The following ASPH variants were observed in gnomAD, a reference collection of about 807,000 sequenced individuals.
ASPH encodes the protein aspartyl/asparaginyl beta-hydroxylase.
ASPH carries 100 observed loss-of-function variants against 118.4 expected under a neutral mutation model. That is an observed-to-expected ratio of 0.84 (90% CI 0.72 to 1.00). The LOEUF (loss-of-function observed/expected upper bound fraction) is 1.00, where lower values mean the gene tolerates loss of function less well. Among genes scored for constraint, ASPH ranks in the 50% least tolerant of loss-of-function variants. The probability of loss-of-function intolerance (pLI) is 0.00; values close to 1 mark genes in which losing one functional copy is unlikely to be tolerated. For synonymous variants in ASPH, 315 were observed against 325.6 expected (o/e 0.97, Z 0.35); for missense variants, 920 against 919.5 (o/e 1.00, Z -0.01).
At chr8:61,612,935 C>G (rs942382924) in intron 14 of ASPH, among the ~76,000 whole-genome samples, 2 of 152,124 alleles carry the variant, frequency 1.3e-5, no homozygotes, top group Non-Finnish European at 2.9e-5. Flanking sequence ...TCTTCCTGCC[C>G]ACCATTCAGG....
At chr8:61,523,933 C>T (rs1814222219) in intron 22 of ASPH, among the ~76,000 whole-genome samples, 1 of 152,120 alleles carries the variant, frequency 6.6e-6, no homozygotes, top group Admixed American at 6.6e-5. Context: ...TCTATAAAAA[C>T]ATTTAAAAAT....
chr8:61,637,964 G>A lies in ASPH; in HGVS notation c.872C>T (p.Ser291Leu), dbSNP rs1343740546. 1.2e-6 allele frequency: 2 copies of A among 1,609,460 alleles called. No homozygotes were observed. The highest frequency in any genetic ancestry group is 2.2e-5 in the East Asian group (1 of 44,748). The change falls in exon 12 of 25, where the codon TCA becomes TTA. Residue 291 changes from serine to leucine, a missense_variant. Coordinates refer to ENST00000379454, the MANE Select transcript of ASPH (RefSeq NM_004318.4). ...APPEDNPVED[S>L]QVIVEEVSIF... Reference sequence around the variant, plus strand: ...TATCTTACCTTCTACAATTACCTGTGAATCTTCTACAGGATTATCCTCAGG... The same window carrying A: ...TATCTTACCTTCTACAATTACCTGTAAATCTTCTACAGGATTATCCTCAGG...
chr8:61,542,048 G>A (rs774089463), intron 21 of ASPH, among the ~76,000 whole-genome samples: 9 of 152,216 alleles, frequency 5.9e-5, no homozygotes, highest in African/African-American at 2.2e-4. Flanking sequence ...TTTGTGGTCA[G>A]TAAACATGCT....
At chr8:61,624,701 G>A in intron 13 of ASPH, 2 of 985,586 alleles carry the variant, frequency 2.0e-6, no homozygotes, top group Non-Finnish European at 2.4e-6. Flanking sequence ...ACAGCATAAT[G>A]AATCCTCAAC....
At chr8:61,503,733 A>G (rs547807529) in intron 24 of ASPH, among the ~76,000 whole-genome samples, 5 of 152,374 alleles carry the variant, frequency 3.3e-5, no homozygotes, top group Admixed American at 1.3e-4. Flanking sequence ...CTGGAGATGT[A>G]CAAACAACAG....
intron 1 of ASPH, among the ~76,000 whole-genome samples, chr8:61,707,263 A>G (rs1836922806): frequency 6.6e-6 from 1 of 152,188 alleles, no homozygotes. Context: ...CTACCTATCA[A>G]TACTACAAAT....
chr8:61,638,295 A>G (rs772723059), intron 11 of ASPH, 27 bp downstream of exon 11: 1 of 1,598,434 alleles, frequency 6.3e-7, no homozygotes, highest in Non-Finnish European at 8.5e-7. Flanking sequence ...GACTTGCAGA[A>G]AATATGTGCT....
chr8:61,550,799 C>T (rs1825729984), intron 20 of ASPH, among the ~76,000 whole-genome samples: 1 of 152,194 alleles, frequency 6.6e-6, no homozygotes, highest in Non-Finnish European at 1.5e-5. Flanking sequence ...TCACAGCTAT[C>T]ATTGAGGACG....
intron 5 of ASPH, 46 bp from the exon 6 acceptor site, chr8:61,646,924 T>G: frequency 6.2e-7 from 1 of 1,611,160 alleles, no homozygotes; most frequent in Non-Finnish European, 8.5e-7. Context: ...AACTGAGACA[T>G]GAAAGCCCCT....
chr8:61,650,093 C>G (rs931043045), intron 5 of ASPH, among the ~76,000 whole-genome samples: 2 of 152,118 alleles, frequency 1.3e-5, no homozygotes, highest in African/African-American at 4.8e-5. Flanking sequence ...CATGACAGCA[C>G]TTACCCCATT....
At chr8:61,626,940 A>C (rs1853164670) in intron 13 of ASPH, among the ~76,000 whole-genome samples, 1 of 152,094 alleles carries the variant, frequency 6.6e-6, no homozygotes, top group African/African-American at 2.4e-5. Context: ...GGTGGTGCAC[A>C]GAAAGGCCCT....
At chr8:61,688,243 CA>C (rs1308934350) in intron 1 of ASPH, among the ~76,000 whole-genome samples, 1 of 152,122 alleles carries the variant, frequency 6.6e-6, no homozygotes, top group Non-Finnish European at 1.5e-5. Context: ...GCTTCATGTT[CA>C]ACCTGTAGTT....
chr8:61,635,076 G>GT lies in ASPH; in HGVS notation c.890-1350dup, dbSNP rs1857151784. On this transcript the variant is annotated intron_variant, in intron 12 of 24. Coordinates refer to ENST00000379454, the MANE Select transcript of ASPH (RefSeq NM_004318.4). Reference sequence around the variant, plus strand: ...GGTCTTTTTGAACCCACTTCATTCTGTATGGCTTTCTCTTCCCCTAATTTA... The same window carrying GT: ...GGTCTTTTTGAACCCACTTCATTCTGTTATGGCTTTCTCTTCCCCTAATTTA... Among the ~76,000 whole-genome samples the GT allele has an allele frequency of 2.0e-5, 3 of 152,170 alleles. 1 individual carries two copies. In the South Asian group the frequency reaches 6.2e-4, roughly 32 times the overall value.
At chr8:61,517,380 A>C (rs1811297982) in intron 24 of ASPH, 148 bp downstream of exon 24, 4 of 1,164,574 alleles carry the variant, frequency 3.4e-6, no homozygotes, top group Non-Finnish European at 4.8e-6. Flanking sequence ...AAGAAGGGAT[A>C]TAGACTTAAG....
chr8:61,612,132 G>T (rs1174282819), intron 14 of ASPH, among the ~76,000 whole-genome samples: 1 of 151,264 alleles, frequency 6.6e-6, no homozygotes, highest in East Asian at 1.9e-4. Context: ...TAAGTACAAA[G>T]AATTAAAGAA....
chr8:61,502,675 C>T lies in ASPH; in HGVS notation c.*684G>A, dbSNP rs1192249078. 2.6e-5 allele frequency: 4 copies of T among 152,082 alleles called. No individual in the cohort carries two copies. The East Asian group carries it at 7.7e-4, about 29-fold the overall frequency. The allele number at this position is 152,082 out of a possible 1,614,324, so 9.4% of individuals were successfully genotyped here. On this transcript the variant is annotated 3_prime_UTR_variant, in exon 25 of 25. Coordinates refer to ENST00000379454, the MANE Select transcript of ASPH (RefSeq NM_004318.4). ...AAATAGGATTTTGTCAATATCTCCA[C>T]CACTAGCATAGTGAGAAGAGGATCT...
intron 14 of ASPH, among the ~76,000 whole-genome samples, chr8:61,608,114 G>C (rs1327514317): frequency 6.6e-6 from 1 of 152,196 alleles, no homozygotes; most frequent in Admixed American, 6.5e-5. Context: ...CATCAATGCA[G>C]TAGTAACTGA....
chr8:61,706,958 T>C (rs1004333622), intron 1 of ASPH, among the ~76,000 whole-genome samples: 9 of 152,100 alleles, frequency 5.9e-5, no homozygotes, highest in Non-Finnish European at 8.8e-5. Context: ...TAACAAAATA[T>C]ACAATAAAAT....
intron 22 of ASPH, among the ~76,000 whole-genome samples, chr8:61,519,047 G>C (rs186820540): frequency 1.7e-3 from 264 of 152,276 alleles, no homozygotes; most frequent in Non-Finnish European, 2.7e-3. Context: ...TTGCCGAATA[G>C]CAACAGGAAG....
Sources: allele counts gnomAD v4.1 joint callset (sites outside exome capture counted in the v4.1 genomes callset), GRCh38; gene constraint gnomAD v4.1.1; transcripts MANE v1.5; gene names NCBI Gene and HGNC (gene_info 2026-07-23, HGNC 2026-07-21).